The following KRABD4 variants were observed in gnomAD, a reference collection of about 807,000 sequenced individuals.
KRABD4 encodes the protein KRAB domain-containing protein 4.
the KRABD4 span, chrX:46,463,509 T>A: frequency 2.1e-6 from 1 of 473,096 alleles, no homozygotes; most frequent in Non-Finnish European, 3.8e-6. Context: ...TCACATAGAT[T>A]GTGGCCACTT....
chrX:46,449,977 G>A, the KRABD4 span, among the ~76,000 whole-genome samples: 2 of 110,845 alleles, frequency 1.8e-5, no homozygotes, highest in Admixed American at 9.6e-5. Flanking sequence ...GGCTGGTCTC[G>A]AACTCCTGGG....
At chrX:46,455,226 T>G in the KRABD4 span, 1 of 1,091,061 alleles carries the variant, frequency 9.2e-7, no homozygotes, top group Middle Eastern at 2.4e-4. Context: ...GCACAGATTT[T>G]AATTCTTAGA....
chrX:46,472,583 T>TG, the KRABD4 span: 1 of 480,086 alleles, frequency 2.1e-6, no homozygotes, highest in Admixed American at 4.2e-5. Context: ...TCTCTGTACT[T>TG]GCACTCAGGG....
At chrX:46,473,463 C>A in the KRABD4 span, 1 of 1,016,112 alleles carries the variant, frequency 9.8e-7, no homozygotes. Flanking sequence ...GAAGTCAACT[C>A]TCATTAAACA....
the KRABD4 span, among the ~76,000 whole-genome samples, chrX:46,458,807 G>C: frequency 9.0e-6 from 1 of 111,524 alleles, no homozygotes; most frequent in Non-Finnish European, 1.9e-5. Flanking sequence ...ATCCAATAAT[G>C]GTAGAATGAT....
At chrX:46,461,224 C>T in the KRABD4 span, among the ~76,000 whole-genome samples, 765 of 111,036 alleles carry the variant, frequency 6.9e-3, 7 homozygotes, top group African/African-American at 0.023. Context: ...GAGCACATTG[C>T]CACTCAGTGA....
chrX:46,454,136 A>T, the KRABD4 span: 1 of 160,606 alleles, frequency 6.2e-6, no homozygotes, highest in East Asian at 1.5e-4. Context: ...CTTCCTCCTC[A>T]TCACAAAAAT....
At chrX:46,459,158 C>T in the KRABD4 span, among the ~76,000 whole-genome samples, 67 of 109,500 alleles carry the variant, frequency 6.1e-4, no homozygotes, top group African/African-American at 2.2e-3. Flanking sequence ...ACTAAAAATA[C>T]AAAAAATTAG....
chrX:46,464,560 G>A, the KRABD4 span, among the ~76,000 whole-genome samples: 1 of 112,178 alleles, frequency 8.9e-6, no homozygotes. Context: ...TCCCTGTGCT[G>A]GCATTTGTGG....
At chrX:46,449,386 C>T in the KRABD4 span, among the ~76,000 whole-genome samples, 1 of 111,993 alleles carries the variant, frequency 8.9e-6, no homozygotes, top group African/African-American at 3.2e-5. Context: ...CTTATACACA[C>T]TTGCAGAGGG....
the KRABD4 span, chrX:46,473,271 A>G: frequency 8.4e-7 from 1 of 1,184,492 alleles, no homozygotes; most frequent in Non-Finnish European, 1.1e-6. Context: ...GCGAATGTGC[A>G]AAAGCCTTCA....
At chrX:46,461,396 G>A in the KRABD4 span, among the ~76,000 whole-genome samples, 11 of 111,323 alleles carry the variant, frequency 9.9e-5, no homozygotes. Context: ...TCACGAGGGA[G>A]GGGCAGATTG....
chrX:46,459,336 AAG>A, the KRABD4 span, among the ~76,000 whole-genome samples: 1 of 110,150 alleles, frequency 9.1e-6, no homozygotes, highest in Non-Finnish European at 1.9e-5. Flanking sequence ...AAAAAAAAAA[AAG>A]AAATTTCTGA....
At chrX:46,463,603 C>T in the KRABD4 span, among the ~76,000 whole-genome samples, 89 of 112,013 alleles carry the variant, frequency 7.9e-4, no homozygotes, top group African/African-American at 2.8e-3. Flanking sequence ...CTCCCACCAC[C>T]TTTCTGGAAG....
At chrX:46,469,859 A>G in the KRABD4 span, among the ~76,000 whole-genome samples, 3 of 111,345 alleles carry the variant, frequency 2.7e-5, no homozygotes, top group Non-Finnish European at 5.7e-5. Context: ...ATATAGGTTG[A>G]GGATATTTCC....
At chrX:46,467,876 G>A in the KRABD4 span, among the ~76,000 whole-genome samples, 1 of 111,925 alleles carries the variant, frequency 8.9e-6, no homozygotes, top group African/African-American at 3.2e-5. Flanking sequence ...CTAGGCTGTG[G>A]CTTGTTTTGT....
chrX:46,449,927 G>A, the KRABD4 span, among the ~76,000 whole-genome samples: 1 of 110,961 alleles, frequency 9.0e-6, no homozygotes, highest in Non-Finnish European at 1.9e-5. Context: ...TACCATGCCT[G>A]GCTAATTTTT....
At chrX:46,466,526 C>T in the KRABD4 span, among the ~76,000 whole-genome samples, 2 of 112,081 alleles carry the variant, frequency 1.8e-5, no homozygotes, top group African/African-American at 6.5e-5. Flanking sequence ...GATCAGTACC[C>T]TTAACACCTA....
At chrX:46,472,959 A>G in the KRABD4 span, 1 of 1,211,720 alleles carries the variant, frequency 8.3e-7, no homozygotes, top group South Asian at 1.8e-5. Context: ...GGCATTCAAA[A>G]CATCATTTAA....
Sources: allele counts gnomAD v4.1 joint callset (sites outside exome capture counted in the v4.1 genomes callset), GRCh38; gene constraint gnomAD v4.1.1; transcripts MANE v1.5; gene names NCBI Gene and HGNC (gene_info 2026-07-23, HGNC 2026-07-21).